Variants in UGGT2 observed in about 807,000 individuals in gnomAD.
The protein encoded by UGGT2 is UDP-glucose glycoprotein glucosyltransferase 2.
A neutral mutation model predicts 192.1 loss-of-function variants in UGGT2; 180 were observed. That is an observed-to-expected ratio of 0.94 (90% CI 0.83 to 1.06). The LOEUF (loss-of-function observed/expected upper bound fraction) is 1.06, where lower values mean the gene tolerates loss of function less well. UGGT2 is among the 50% of genes least tolerant of loss of function. The pLI is 0.00. For missense variants in UGGT2, 1,849 were observed against 1,795.7 expected, an observed-to-expected ratio of 1.03 and a Z score of -0.54; for synonymous variants, 580 against 591.0, an observed-to-expected ratio of 0.98 and a Z score of 0.27.
Position 96,023,621 on chromosome 13 carries a change from T to G in UGGT2, c.372+8A>C, listed in dbSNP as rs2139121390. 6.2e-7 allele frequency: 1 copy of G among 1,602,982 alleles called. No homozygotes were observed. The highest frequency in any genetic ancestry group is 2.2e-5 in the East Asian group (1 of 44,616). Reference sequence around the variant, plus strand: ...TTTGTCAAATACAGATTGGGTATTTTTACGCACCTGCTGAAACATCTGAAT... The same window carrying G: ...TTTGTCAAATACAGATTGGGTATTTGTACGCACCTGCTGAAACATCTGAAT... On this transcript the variant is annotated splice_region_variant and intron_variant, in intron 3 of 38. Transcript: ENST00000376747.
At chr13:95,905,176 A>G (rs1458880193) in intron 20 of UGGT2, among the ~76,000 whole-genome samples, 2 of 151,888 alleles carry the variant, frequency 1.3e-5, no homozygotes, top group African/African-American at 4.8e-5. Context: ...GTTTGCATTC[A>G]TTGTAGATTC....
intron 33 of UGGT2, among the ~76,000 whole-genome samples, chr13:95,857,376 A>G (rs182332516): frequency 2.4e-4 from 37 of 152,160 alleles, no homozygotes; most frequent in African/African-American, 8.9e-4. Context: ...TATGACCTTC[A>G]TGAGGCTTGT....
intron 21 of UGGT2, 132 bp downstream of exon 21, chr13:95,902,722 T>C: frequency 1.1e-6 from 1 of 882,332 alleles, no homozygotes; most frequent in Non-Finnish European, 1.7e-6. Context: ...TCTTTTCCCA[T>C]TTGAAAAGGA....
chr13:95,968,566 T>C (rs1019580117), intron 12 of UGGT2, among the ~76,000 whole-genome samples: 1 of 152,084 alleles, frequency 6.6e-6, no homozygotes, highest in African/African-American at 2.4e-5. Flanking sequence ...TGCTTAAATG[T>C]ATGGCACCTA....
At chr13:95,836,047 T>TTTG (rs1887248261) in intron 37 of UGGT2, among the ~76,000 whole-genome samples, 2 of 151,596 alleles carry the variant, frequency 1.3e-5, no homozygotes, top group Non-Finnish European at 2.9e-5. Context: ...AGCCCTTTTT[T>TTTG]TTTGTTTGTT....
intron 20 of UGGT2, among the ~76,000 whole-genome samples, chr13:95,913,621 G>A (rs543029086): frequency 2.9e-4 from 44 of 152,288 alleles, no homozygotes; most frequent in East Asian, 3.9e-4. Flanking sequence ...AAATAGGAAC[G>A]CTTTTACACT....
chr13:96,028,045 T>C (rs1452835353), intron 2 of UGGT2, among the ~76,000 whole-genome samples: 1 of 152,254 alleles, frequency 6.6e-6, no homozygotes, highest in Non-Finnish European at 1.5e-5. Context: ...TAAACATTGC[T>C]GTTCTCAGGG....
chr13:95,957,621 A>G (rs1050315682), intron 12 of UGGT2, among the ~76,000 whole-genome samples: 5 of 152,262 alleles, frequency 3.3e-5, no homozygotes, highest in Non-Finnish European at 5.9e-5. Context: ...TGGGAGCAGC[A>G]TAAGGGCTTA....
chr13:95,899,769 C>T (rs1482261574), intron 22 of UGGT2, among the ~76,000 whole-genome samples: 1 of 152,050 alleles, frequency 6.6e-6, no homozygotes, highest in African/African-American at 2.4e-5. Flanking sequence ...AAAGCAATGC[C>T]ATTTACAGAG....
intron 37 of UGGT2, among the ~76,000 whole-genome samples, chr13:95,833,778 A>G (rs1361266054): frequency 6.6e-6 from 1 of 152,204 alleles, no homozygotes; most frequent in Non-Finnish European, 1.5e-5. Flanking sequence ...TGGCTTGAGC[A>G]ATATAAAAAA....
chr13:95,801,658 T>G lies in UGGT2; in HGVS notation c.*132A>C, dbSNP rs1010242977. 2.4e-6 allele frequency: 2 copies of G among 834,716 alleles called. No homozygotes were observed. The highest frequency in any genetic ancestry group is 4.0e-5 in the South Asian group (2 of 49,516). 51.7% of individuals were successfully genotyped at this position (834,716 alleles called of 1,614,324 possible). On this transcript the variant is annotated 3_prime_UTR_variant, in exon 39 of 39. Coordinates refer to ENST00000376747, the MANE Select transcript of UGGT2 (RefSeq NM_020121.4). ...AAATAACTGTTTTAAATAATTACAA[T>G]TTTTTAAAATTAAAGAATATGTCAC...
intron 37 of UGGT2, among the ~76,000 whole-genome samples, chr13:95,836,540 G>T (rs182238207): frequency 1.6e-4 from 24 of 152,292 alleles, no homozygotes; most frequent in African/African-American, 5.1e-4. Flanking sequence ...GTGCAAAGGT[G>T]TTTATGCTAA....
intron 12 of UGGT2, among the ~76,000 whole-genome samples, chr13:95,969,819 T>C (rs568984824): frequency 6.6e-6 from 1 of 152,324 alleles, no homozygotes; most frequent in South Asian, 2.1e-4. Context: ...ATTTTAACCA[T>C]GTATTTGGTG....
intron 5 of UGGT2, among the ~76,000 whole-genome samples, chr13:96,000,995 G>T (rs2051783088): frequency 6.6e-6 from 1 of 152,120 alleles, no homozygotes; most frequent in Non-Finnish European, 1.5e-5. Flanking sequence ...GAACATAAAA[G>T]ATGTCATTCA....
chr13:96,001,597 G>C (rs1292553528), intron 5 of UGGT2, among the ~76,000 whole-genome samples: 1 of 152,158 alleles, frequency 6.6e-6, no homozygotes. Flanking sequence ...GATGGGCATA[G>C]CTCCCCAGGG....
chr13:95,958,450 C>T (rs1023892718), intron 12 of UGGT2, among the ~76,000 whole-genome samples: 6 of 152,160 alleles, frequency 3.9e-5, no homozygotes, highest in Non-Finnish European at 8.8e-5. Flanking sequence ...CACGCCTGGC[C>T]AAAGGCAGGT....
chr13:95,867,527 AC>A (rs1183514689), intron 29 of UGGT2, 104 bp from the exon 30 acceptor site: 1 of 783,186 alleles, frequency 1.3e-6, no homozygotes, highest in African/African-American at 1.8e-5. Context: ...GTCCAATAAC[AC>A]TAGTGCATAT....
intron 38 of UGGT2, among the ~76,000 whole-genome samples, chr13:95,828,281 G>A (rs772620917): frequency 3.9e-5 from 6 of 152,104 alleles, no homozygotes; most frequent in African/African-American, 1.2e-4. Flanking sequence ...AAGAGCAAAC[G>A]CATCCAAAAG....
Position 95,932,093 on chromosome 13 carries a change from GTGAATAA to G in UGGT2, c.1978-4764_1978-4758del, listed in dbSNP as rs558513009. Among the ~76,000 whole-genome samples, 43 of 152,306 alleles carry G rather than the reference GTGAATAA, an allele frequency of 2.8e-4. No homozygotes were observed. The South Asian group carries it at 8.5e-3, about 30-fold the overall frequency. ...TTTTAGAATAGTATTTTCCAATTCT[GTGAATAA>G]TGACATTGGCAGTTTGATATGAATA... On this transcript the variant is annotated intron_variant, in intron 17 of 38. Transcript: ENST00000376747.
Sources: allele counts gnomAD v4.1 joint callset (sites outside exome capture counted in the v4.1 genomes callset), GRCh38; gene constraint gnomAD v4.1.1; transcripts MANE v1.5; gene names NCBI Gene and HGNC (gene_info 2026-07-23, HGNC 2026-07-21).